Variants in SSBP3 observed in about 807,000 individuals in gnomAD.
SSBP3 encodes the protein single stranded DNA binding protein 3, also known as single-stranded DNA-binding protein 3.
A neutral mutation model predicts 69.6 loss-of-function variants in SSBP3; 5 were observed. The observed-to-expected ratio is 0.07, with a 90% CI of 0.04 to 0.15. The LOEUF (loss-of-function observed/expected upper bound fraction) is 0.15. Among genes scored for constraint, SSBP3 ranks in the 10% least tolerant of loss-of-function variants. The probability of loss-of-function intolerance (pLI) is 1.00; values close to 1 mark genes in which losing one functional copy is unlikely to be tolerated. For missense variants in SSBP3, 312 were observed against 534.0 expected (o/e 0.58, Z 4.10); for synonymous variants, 196 against 193.4 (o/e 1.01, Z -0.11).
chr1:54,321,896 T>C (rs1223646377), intron 4 of SSBP3, among the ~76,000 whole-genome samples: 3 of 152,118 alleles, frequency 2.0e-5, no homozygotes, highest in Non-Finnish European at 1.5e-5. Context: ...TGAGCATGAG[T>C]AGAGGCATGA....
At chr1:54,233,316 C>G (rs538386370) in intron 14 of SSBP3, among the ~76,000 whole-genome samples, 1 of 151,302 alleles carries the variant, frequency 6.6e-6, no homozygotes, top group Non-Finnish European at 1.5e-5. Context: ...GCCGCGACCC[C>G]GTCTGGGAGG....
intron 5 of SSBP3, among the ~76,000 whole-genome samples, chr1:54,259,297 A>G (rs1644977018): frequency 6.6e-6 from 1 of 152,222 alleles, no homozygotes; most frequent in African/African-American, 2.4e-5. Context: ...TAATAAAAAA[A>G]AAAGTCAGAG....
chr1:54,393,223 G>C (rs1648623688), intron 4 of SSBP3, among the ~76,000 whole-genome samples: 1 of 152,184 alleles, frequency 6.6e-6, no homozygotes. Context: ...ACAAGCACCA[G>C]GGCTGGTTTG....
chr1:54,370,524 C>G (rs1191409078), intron 4 of SSBP3, among the ~76,000 whole-genome samples: 1 of 152,172 alleles, frequency 6.6e-6, no homozygotes, highest in Non-Finnish European at 1.5e-5. Context: ...CACTAGCCTT[C>G]AGATTGGATT....
chr1:54,404,666 G>A (rs1318010948), intron 2 of SSBP3, 29 bp from the exon 3 acceptor site: 1 of 1,613,740 alleles, frequency 6.2e-7, no homozygotes, highest in African/African-American at 1.3e-5. Flanking sequence ...AAGCAGCTTA[G>A]AGGAGCAGAG....
intron 4 of SSBP3, among the ~76,000 whole-genome samples, chr1:54,382,550 A>C (rs916985164): frequency 6.6e-6 from 1 of 152,268 alleles, no homozygotes; most frequent in Non-Finnish European, 1.5e-5. Flanking sequence ...AAAGACAAAT[A>C]TCTTTGATGA....
At chr1:54,396,206 A>C (rs1335825086) in intron 4 of SSBP3, among the ~76,000 whole-genome samples, 25 of 150,032 alleles carry the variant, frequency 1.7e-4, no homozygotes, top group South Asian at 1.1e-3. Context: ...AAAAAAAAAA[A>C]AAAAAAAAAA....
At chr1:54,390,564 T>C (rs1025625386) in intron 4 of SSBP3, among the ~76,000 whole-genome samples, 5 of 152,260 alleles carry the variant, frequency 3.3e-5, no homozygotes, top group African/African-American at 1.2e-4. Context: ...ATTAGCTCGC[T>C]GACAGAAATT....
chr1:54,392,285 C>A (rs1240046473), intron 4 of SSBP3, among the ~76,000 whole-genome samples: 1 of 152,228 alleles, frequency 6.6e-6, no homozygotes, highest in Non-Finnish European at 1.5e-5. Flanking sequence ...GATCTGGAAA[C>A]TGAGGCTCAG....
chr1:54,234,853 T>G (rs1353820866), intron 14 of SSBP3, among the ~76,000 whole-genome samples: 1 of 151,758 alleles, frequency 6.6e-6, no homozygotes, highest in Non-Finnish European at 1.5e-5. Flanking sequence ...AGCCTTAAAT[T>G]CCTAAGCTCA....
intron 4 of SSBP3, among the ~76,000 whole-genome samples, chr1:54,354,464 T>G (rs1246049399): frequency 6.6e-6 from 1 of 150,862 alleles, no homozygotes; most frequent in Non-Finnish European, 1.5e-5. Flanking sequence ...AGTGGGGAGG[T>G]GGCCCTGCTG....
At chr1:54,365,450 ATACTCTAC>A (rs1647015325) in intron 4 of SSBP3, among the ~76,000 whole-genome samples, 1 of 152,220 alleles carries the variant, frequency 6.6e-6, no homozygotes, top group Non-Finnish European at 1.5e-5. Flanking sequence ...ATTGACAGTA[ATACTCTAC>A]TATTTGAGAG....
At chr1:54,402,127 G>A (rs913662219) in intron 3 of SSBP3, among the ~76,000 whole-genome samples, 182 bp from the exon 4 acceptor site, 2 of 152,222 alleles carry the variant, frequency 1.3e-5, no homozygotes, top group African/African-American at 4.8e-5. Context: ...TGGCAAGCCA[G>A]CCATTAGTAA....
At chr1:54,236,184 C>T (rs144285174) in intron 14 of SSBP3, among the ~76,000 whole-genome samples, 9,081 of 151,576 alleles carry the variant, frequency 0.06, 341 homozygotes, top group Non-Finnish European at 0.089. Flanking sequence ...GGTGTGATCT[C>T]GGCTCACTGC....
chr1:54,233,657 C>T (rs1232226610), intron 14 of SSBP3, among the ~76,000 whole-genome samples: 1 of 149,502 alleles, frequency 6.7e-6, no homozygotes, highest in East Asian at 2.0e-4. Flanking sequence ...CCGGCCGCCC[C>T]TACTGGGAAG....
intron 4 of SSBP3, among the ~76,000 whole-genome samples, chr1:54,367,573 C>A (rs1337458281): frequency 6.6e-6 from 1 of 152,224 alleles, no homozygotes; most frequent in Non-Finnish European, 1.5e-5. Flanking sequence ...AGAGTCCCAG[C>A]ACTCTGGTGC....
At chr1:54,366,548 T>G (rs1647032181) in intron 4 of SSBP3, among the ~76,000 whole-genome samples, 1 of 152,158 alleles carries the variant, frequency 6.6e-6, no homozygotes, top group Non-Finnish European at 1.5e-5. Flanking sequence ...CTTTCAGGGC[T>G]GAATCAAGAC....
chr1:54,355,854 C>CGATCCCA (rs1220773977), intron 4 of SSBP3, among the ~76,000 whole-genome samples: 2 of 152,182 alleles, frequency 1.3e-5, no homozygotes, highest in African/African-American at 4.8e-5. Flanking sequence ...CGAGGGGACA[C>CGATCCCA]GATCCCACGT....
At chr1:54,321,029 C>A (rs930640200) in intron 4 of SSBP3, among the ~76,000 whole-genome samples, 1 of 152,192 alleles carries the variant, frequency 6.6e-6, no homozygotes, top group Non-Finnish European at 1.5e-5. Context: ...GCATGTCAGG[C>A]AGAAGAAAAT....
Sources: gnomAD v4.1 joint callset for allele counts (sites outside exome capture counted in the v4.1 genomes callset) on GRCh38, gnomAD v4.1.1 for gene constraint, MANE v1.5 for transcripts, NCBI Gene and HGNC (gene_info 2026-07-23, HGNC 2026-07-21) for gene names.